The following ZNF638 variants were observed in gnomAD, a reference collection of about 807,000 sequenced individuals.
ZNF638 encodes CTCL tumor antigen se33-1.
ZNF638 carries 46 observed loss-of-function variants against 195.6 expected under a neutral mutation model. The ratio of observed to expected loss-of-function variants is 0.24; its 90% CI spans 0.19 to 0.30. ZNF638 has a LOEUF of 0.30. Among genes scored for constraint, ZNF638 ranks in the 10% least tolerant of loss-of-function variants. The pLI is 1.00. For synonymous variants in ZNF638, 845 were observed against 772.0 expected (o/e 1.09, Z -1.57); for missense variants, 2,440 against 2,325.3 (o/e 1.05, Z -1.01).
chr2:71,349,549 C>T lies in ZNF638; in HGVS notation c.595C>T (p.Leu199Phe), dbSNP rs572307441. Reference sequence around the variant, plus strand: ...TTCTCAGAGCAGAAATAAAGAAACACTTGGTAGTGAAGCAGTTTCAAGTAA... The same window carrying T: ...TTCTCAGAGCAGAAATAAAGAAACATTTGGTAGTGAAGCAGTTTCAAGTAA... ...LPSQSRNKETLGSEAVSSNVI... is the reference protein window; with the variant it reads ...LPSQSRNKETFGSEAVSSNVI... Residue 199 changes from leucine to phenylalanine, a missense_variant, in exon 2 of 28, where the codon CTT (leucine) becomes TTT (phenylalanine). By Grantham distance (22) the Leu-to-Phe change is conservative. This residue lies in a region of ZNF638 where 305 missense variants were observed against 283.6 expected (regional missense o/e 1.08). Transcript: ENST00000264447. The T allele has an allele frequency of 8.1e-6, 13 of 1,614,134 alleles. No individual in the cohort carries two copies. Among genetic ancestry groups the T allele is most frequent in the South Asian group, 7.7e-5 (7 of 91,082 alleles).
Position 71,350,257 on chromosome 2 carries a change from TGTA to T in ZNF638, c.1306_1308del (p.Ser436del). ...TTTGTGTTCTCTGTGTAACGTAGAA[TGTA>T]GTCATTTGAAGGTGAGTGTTTTTAA... On this transcript the variant is annotated inframe_deletion, in exon 2 of 28. Coordinates refer to ENST00000264447, the MANE Select transcript of ZNF638 (RefSeq NM_014497.5). 1 of 1,599,964 alleles carries T rather than the reference TGTA, an allele frequency of 6.3e-7. No homozygotes were observed. The highest frequency in any genetic ancestry group is 8.5e-7 in the Non-Finnish European group (1 of 1,179,046).
At chr2:71,397,610 C>A (rs1296879768) in intron 11 of ZNF638, among the ~76,000 whole-genome samples, 3 of 152,108 alleles carry the variant, frequency 2.0e-5, no homozygotes, top group Non-Finnish European at 4.4e-5. Flanking sequence ...TGTTCGTGCC[C>A]CAAAGCTTCT....
chr2:71,396,405 T>G (rs552937362), intron 11 of ZNF638, among the ~76,000 whole-genome samples: 9 of 152,340 alleles, frequency 5.9e-5, no homozygotes, highest in African/African-American at 1.9e-4. Flanking sequence ...TGGAGAAATT[T>G]CTTATGATGA....
Position 71,400,135 on chromosome 2 carries a change from A to G in ZNF638, c.2611A>G (p.Ile871Val). Residue 871 changes from isoleucine (I) to valine (V), a missense_variant, in exon 14 of 28, where the codon ATT becomes GTT. Transcript: ENST00000264447. The part of the protein sequence containing the change: ...IPENSEIKTS[I>V]EVKATENCAK... ...AGAAAACTCTGAAATAAAGACCAGT[A>G]TTGAAGTCAAAGCCACTGAAAACTG... is the stretch of plus-strand genomic sequence containing the variant. 1 of 1,609,538 alleles carries G rather than the reference A, an allele frequency of 6.2e-7. No homozygotes were observed.
intron 8 of ZNF638, among the ~76,000 whole-genome samples, chr2:71,377,887 G>T (rs1007701894): frequency 6.6e-6 from 1 of 152,196 alleles, no homozygotes; most frequent in East Asian, 1.9e-4. Flanking sequence ...GCCTTAGATT[G>T]CAAAGCAACA....
At chr2:71,342,851 GAA>G (rs2104125158) in intron 1 of ZNF638, among the ~76,000 whole-genome samples, 1 of 152,192 alleles carries the variant, frequency 6.6e-6, no homozygotes, top group Non-Finnish European at 1.5e-5. Context: ...CTGAGGGTGC[GAA>G]GACTAATGTT....
chr2:71,434,318 G>A (rs988048097), intron 27 of ZNF638, among the ~76,000 whole-genome samples: 2 of 152,106 alleles, frequency 1.3e-5, no homozygotes, highest in African/African-American at 2.4e-5. Flanking sequence ...CATGTTTTTC[G>A]TCTCAAATAT....
chr2:71,407,307 A>G (rs2080125650), intron 19 of ZNF638: 1 of 152,206 alleles, frequency 6.6e-6, no homozygotes, highest in Non-Finnish European at 1.5e-5. Context: ...CACAGATGGC[A>G]CATAGGAATT....
Position 71,426,394 on chromosome 2 carries a change from A to T in ZNF638, c.4591-66A>T, listed in dbSNP as rs2080540116. On this transcript the variant is annotated intron_variant, in intron 23 of 27. Transcript: ENST00000264447. ...ATGATCTGCATGCACATTTATTGTG[A>T]CTATTTGGAATCTAGCCAGTGGTCA... 3.5e-6 allele frequency: 4 copies of T among 1,159,316 alleles called. No individual in the cohort carries two copies. In the Admixed American group the frequency reaches 7.3e-5, roughly 21 times the overall value. 71.8% of individuals were successfully genotyped at this position (1,159,316 alleles called of 1,614,324 possible).
intron 8 of ZNF638, among the ~76,000 whole-genome samples, chr2:71,376,841 T>G (rs1198601647): frequency 6.6e-6 from 1 of 152,196 alleles, no homozygotes; most frequent in Non-Finnish European, 1.5e-5. Context: ...AATAATAACC[T>G]CGACATCCAT....
intron 1 of ZNF638, among the ~76,000 whole-genome samples, chr2:71,339,669 G>T (rs1257553454): frequency 6.6e-6 from 1 of 152,168 alleles, no homozygotes. Context: ...TTTTGTTGTT[G>T]TTGTTGTTTT....
chr2:71,406,658 A>G (rs1382956597), intron 19 of ZNF638, among the ~76,000 whole-genome samples: 2 of 152,186 alleles, frequency 1.3e-5, no homozygotes, highest in Non-Finnish European at 2.9e-5. Flanking sequence ...CCTTCCAGCT[A>G]TGAAACACCT....
At chr2:71,404,586 G>A (rs1313902006) in intron 17 of ZNF638, among the ~76,000 whole-genome samples, 4 of 152,058 alleles carry the variant, frequency 2.6e-5, no homozygotes, top group African/African-American at 7.2e-5. Context: ...GCCTGAAGGC[G>A]CACACCCGTG....
chr2:71,371,950 T>C (rs1330415750), intron 8 of ZNF638, among the ~76,000 whole-genome samples: 1 of 152,196 alleles, frequency 6.6e-6, no homozygotes, highest in Non-Finnish European at 1.5e-5. Flanking sequence ...TTGCCTGTGT[T>C]TGTGGGGTAT....
chr2:71,383,265 A>G (rs549773502), intron 10 of ZNF638, among the ~76,000 whole-genome samples: 6 of 152,274 alleles, frequency 3.9e-5, no homozygotes, highest in African/African-American at 1.4e-4. Context: ...CAGTGAGCCA[A>G]GATCGTGCCA....
intron 1 of ZNF638, among the ~76,000 whole-genome samples, chr2:71,346,641 C>T (rs2078854614): frequency 6.6e-6 from 1 of 152,126 alleles, no homozygotes; most frequent in Non-Finnish European, 1.5e-5. Flanking sequence ...CATAAACCTT[C>T]AACTGACATT....
At chr2:71,361,093 C>G (rs528845998) in intron 3 of ZNF638, among the ~76,000 whole-genome samples, 9 of 152,262 alleles carry the variant, frequency 5.9e-5, no homozygotes, top group Admixed American at 2.0e-4. Context: ...TCCTGAGTAG[C>G]TAGGACCACT....
chr2:71,339,354 T>TGTTG (rs1288475246), intron 1 of ZNF638, among the ~76,000 whole-genome samples: 1 of 152,108 alleles, frequency 6.6e-6, no homozygotes, highest in African/African-American at 2.4e-5. Context: ...GGTTTCACCA[T>TGTTG]GTTGGTCAGG....
At chr2:71,366,509 C>T (rs1344305485) in intron 6 of ZNF638, among the ~76,000 whole-genome samples, 1 of 152,034 alleles carries the variant, frequency 6.6e-6, no homozygotes, top group Non-Finnish European at 1.5e-5. Context: ...TTCAAAATCT[C>T]GTAGCTTAGG....
Sources: gnomAD v4.1 joint callset for allele counts (sites outside exome capture counted in the v4.1 genomes callset) on GRCh38, gnomAD v4.1.1 for gene constraint, gnomAD v4.1.1 regional missense constraint, MANE v1.5 for transcripts, NCBI Gene and HGNC (gene_info 2026-07-23, HGNC 2026-07-21) for gene names.